Variants in POLD3 observed in about 807,000 individuals in gnomAD.
POLD3 encodes the protein DNA polymerase delta 3, accessory subunit.
POLD3 carries 19 observed loss-of-function variants against 58.2 expected under a neutral mutation model. That is an observed-to-expected ratio of 0.33 (90% CI 0.23 to 0.48). POLD3 has a LOEUF of 0.48. POLD3 is among the 20% of genes least tolerant of loss of function. The pLI is 0.99. For missense variants in POLD3, 504 were observed against 545.5 expected (o/e 0.92, Z 0.76); for synonymous variants, 172 against 193.5 (o/e 0.89, Z 0.92).
At chr11:74,603,831 A>G (rs978459960) in intron 2 of POLD3, among the ~76,000 whole-genome samples, 2 of 152,186 alleles carry the variant, frequency 1.3e-5, no homozygotes, top group African/African-American at 4.8e-5. Flanking sequence ...TATTATAGAC[A>G]GATTGTAAAT....
At position 74,625,572 on chromosome 11, in the gene POLD3, A is replaced by C. The variant is rs1190404350; in HGVS notation, c.898A>C (p.Arg300=). 1 of 1,601,206 alleles carries C rather than the reference A, an allele frequency of 6.2e-7. No homozygotes were observed. Among genetic ancestry groups the C allele is most frequent in the African/African-American group, 1.4e-5 (1 of 73,618 alleles). ...TAAGGTGCTGCAGAAGGAAAAAAAA[A>C]GGTAGGAAAATTTTGTTGCTTATTG... ...PVKVLQKEKK[R]GKRVALSDDE... Residue 300 remains arginine (R), a splice_region_variant and synonymous_variant, in exon 8 of 12, where the codon AGG becomes CGG. Coordinates refer to ENST00000263681, the MANE Select transcript of POLD3 (RefSeq NM_006591.3).
intron 5 of POLD3, among the ~76,000 whole-genome samples, chr11:74,617,627 C>G (rs1208732761): frequency 6.6e-6 from 1 of 152,184 alleles, no homozygotes; most frequent in African/African-American, 2.4e-5. Context: ...GTCTTGAACT[C>G]CTGACCTCAT....
chr11:74,633,088 G>A (rs2032643268), intron 9 of POLD3, among the ~76,000 whole-genome samples: 2 of 152,082 alleles, frequency 1.3e-5, no homozygotes, highest in Admixed American at 1.3e-4. Flanking sequence ...TAAGTCAACT[G>A]GTTTCAGAAC....
At chr11:74,667,330 T>G (rs1460386698) in intron 4 of POLD3, among the ~76,000 whole-genome samples, 3 of 152,048 alleles carry the variant, frequency 2.0e-5, no homozygotes, top group African/African-American at 7.2e-5. Context: ...GGTCAGGAGA[T>G]CGAGACCATC....
chr11:74,649,826 G>A (rs572942818), intron 4 of POLD3, among the ~76,000 whole-genome samples: 1 of 152,172 alleles, frequency 6.6e-6, no homozygotes, highest in South Asian at 2.1e-4. Context: ...TGGCCAACAT[G>A]GTGAAACCCC....
chr11:74,609,492 C>T (rs1448735890), intron 3 of POLD3, among the ~76,000 whole-genome samples: 2 of 148,592 alleles, frequency 1.3e-5, no homozygotes, highest in African/African-American at 2.5e-5. Flanking sequence ...AGCAGTTCTC[C>T]ACCTCAGCCT....
At chr11:74,633,131 C>A (rs138755470) in intron 9 of POLD3, among the ~76,000 whole-genome samples, 1 of 152,308 alleles carries the variant, frequency 6.6e-6, no homozygotes, top group Non-Finnish European at 1.5e-5. Flanking sequence ...AAGTTTATTA[C>A]TGTGAGTCTC....
At chr11:74,627,730 G>C (rs907865127) in intron 8 of POLD3, among the ~76,000 whole-genome samples, 3 of 152,170 alleles carry the variant, frequency 2.0e-5, no homozygotes, top group South Asian at 4.1e-4. Flanking sequence ...TTGTGTTACA[G>C]TTGCCTACAG....
chr11:74,620,838 T>C (rs2032228424), intron 7 of POLD3, among the ~76,000 whole-genome samples: 1 of 152,160 alleles, frequency 6.6e-6, no homozygotes, highest in Non-Finnish European at 1.5e-5. Context: ...GGAGGCATTT[T>C]GTTACATGCC....
At chr11:74,609,367 TATA>T (rs2031817472) in intron 3 of POLD3, among the ~76,000 whole-genome samples, 6 of 17,702 alleles carry the variant, frequency 3.4e-4, no homozygotes, top group African/African-American at 1.9e-3. Context: ...TATATATATA[TATA>T]TATTTTTTTT....
intron 2 of POLD3, among the ~76,000 whole-genome samples, chr11:74,597,680 C>G (rs1010321475): frequency 2.6e-5 from 4 of 152,158 alleles, no homozygotes; most frequent in African/African-American, 9.7e-5. Flanking sequence ...AGGCTGGTCT[C>G]GAACTCCCAG....
At chr11:74,613,093 A>G in intron 5 of POLD3, 83 bp downstream of exon 5, 1 of 1,236,276 alleles carries the variant, frequency 8.1e-7, no homozygotes, top group Non-Finnish European at 1.1e-6. Flanking sequence ...CTTAAGAGTG[A>G]ATGCCAAGTC....
intron 4 of POLD3, among the ~76,000 whole-genome samples, chr11:74,663,876 A>G (rs1006324940): frequency 2.0e-5 from 3 of 152,172 alleles, no homozygotes; most frequent in African/African-American, 4.8e-5. Context: ...CTCTATGTCT[A>G]TATATTTGAC....
chr11:74,609,571 C>CG (rs1359453441), intron 3 of POLD3, among the ~76,000 whole-genome samples: 2 of 150,874 alleles, frequency 1.3e-5, no homozygotes, highest in East Asian at 3.9e-4. Flanking sequence ...TTAGTAGAGA[C>CG]GGGGCTTTGC....
intron 11 of POLD3, among the ~76,000 whole-genome samples, chr11:74,639,405 TGTTCTTTA>T (rs1456775038): frequency 6.6e-6 from 1 of 152,256 alleles, no homozygotes; most frequent in Non-Finnish European, 1.5e-5. Flanking sequence ...AGACTGTCAT[TGTTCTTTA>T]ATGGAAAAAA....
At chr11:74,638,825 A>T (rs1413802319) in intron 11 of POLD3, 1 of 383,604 alleles carries the variant, frequency 2.6e-6, no homozygotes, top group Non-Finnish European at 5.2e-6. Flanking sequence ...TAATAAGCTC[A>T]TGGGAGATTC....
chr11:74,657,783 T>C (rs184411835), intron 4 of POLD3, among the ~76,000 whole-genome samples: 93 of 152,340 alleles, frequency 6.1e-4, no homozygotes, highest in African/African-American at 2.2e-3. Context: ...ATTAACATCC[T>C]TTTCTTTCAG....
In POLD3 at chr11:74,620,045, G is replaced by A. The variant is rs368192912; in HGVS notation, c.689G>A (p.Gly230Glu). The A allele has an allele frequency of 6.8e-6, 11 of 1,613,908 alleles. No individual in the cohort carries two copies. The highest frequency in any genetic ancestry group is 9.3e-6 in the Non-Finnish European group (11 of 1,179,828). ...TCTGCAGCAGGCAACAAGGCACCAG[G>A]GAAAGGGAATATGATGAGCAACTTT... Reference protein sequence around the residue: ...NASAAGNKAPGKGNMMSNFFG... With the variant: ...NASAAGNKAPEKGNMMSNFFG... The change falls in exon 7 of 12, where the codon GGG becomes GAG. Residue 230 changes from glycine to glutamate, a missense_variant. Physicochemically the swap from Gly to Glu is moderately conservative, Grantham distance 98. Around this residue, in one of 2 missense-constraint regions of POLD3, gnomAD observed 385 missense variants for 370.5 expected, o/e 1.04. Coordinates refer to ENST00000263681, the MANE Select transcript of POLD3 (RefSeq NM_006591.3).
intron 2 of POLD3, among the ~76,000 whole-genome samples, chr11:74,597,517 G>A (rs2031317580): frequency 6.6e-6 from 1 of 152,216 alleles, no homozygotes; most frequent in African/African-American, 2.4e-5. Context: ...TGGAAATGCA[G>A]TGGCGCAATT....
Sources: gnomAD v4.1 joint callset for allele counts (sites outside exome capture counted in the v4.1 genomes callset) on GRCh38, gnomAD v4.1.1 for gene constraint, gnomAD v4.1.1 regional missense constraint, MANE v1.5 for transcripts, NCBI Gene and HGNC (gene_info 2026-07-23, HGNC 2026-07-21) for gene names.